SATL1: variants seen among roughly 807,000 people sequenced by gnomAD.
SATL1 encodes spermidine/spermine N(1)-acetyltransferase-like protein 1.
SATL1 carries 47 observed loss-of-function variants against 51.8 expected under a neutral mutation model. The ratio of observed to expected loss-of-function variants is 0.91; its 90% CI spans 0.72 to 1.16. The LOEUF (loss-of-function observed/expected upper bound fraction) is 1.16. SATL1 is among the 50% of genes most tolerant of loss of function. The probability of loss-of-function intolerance (pLI) is 0.00; values close to 1 mark genes in which losing one functional copy is unlikely to be tolerated. For synonymous variants in SATL1, 176 were observed against 182.4 expected (o/e 0.97, Z 0.28); for missense variants, 520 against 526.4 (o/e 0.99, Z 0.12).
At chrX:85,179,858 G>A (rs1391581077) in intron 2 of SATL1, among the ~76,000 whole-genome samples, 1 of 109,286 alleles carries the variant, frequency 9.2e-6, no homozygotes, top group Non-Finnish European at 1.9e-5. Context: ...CCAGGTCTTT[G>A]AACTAGAAGT....
chrX:85,109,425 G>T (rs979779060), intron 2 of SATL1, 145 bp from the exon 3 acceptor site: 4 of 155,960 alleles, frequency 2.6e-5, no homozygotes, highest in African/African-American at 9.2e-5. Context: ...TGTGGTGAGG[G>T]TGGGGCAAAG....
chrX:85,197,237 T>C (rs1927585102), intron 2 of SATL1, among the ~76,000 whole-genome samples: 1 of 111,721 alleles, frequency 9.0e-6, no homozygotes, highest in Admixed American at 9.5e-5. Context: ...TTTTAATTTT[T>C]CTGGGTACAT....
At chrX:85,094,589 A>C (rs1924639397) in intron 5 of SATL1, among the ~76,000 whole-genome samples, 1 of 110,628 alleles carries the variant, frequency 9.0e-6, no homozygotes, top group Non-Finnish European at 1.9e-5. Context: ...ACAAAAAATA[A>C]TTTTAAATTA....
chrX:85,184,932 A>G (rs998391306), intron 2 of SATL1, among the ~76,000 whole-genome samples: 2 of 111,698 alleles, frequency 1.8e-5, no homozygotes, highest in Non-Finnish European at 3.8e-5. Flanking sequence ...ATTTATTGCA[A>G]TATTCACAGT....
At chrX:85,095,893 C>G (rs1214725289) in intron 4 of SATL1, among the ~76,000 whole-genome samples, 1 of 99,762 alleles carries the variant, frequency 1.0e-5, no homozygotes, top group African/African-American at 3.6e-5. Context: ...GCTTTCAACT[C>G]AGGCTGATCC....
intron 2 of SATL1, among the ~76,000 whole-genome samples, chrX:85,135,712 A>G: frequency 1.1e-5 from 1 of 94,131 alleles, no homozygotes; most frequent in Middle Eastern, 4.9e-3. Flanking sequence ...GAAGTAGCTG[A>G]GACTATAGGC....
chrX:85,238,664 G>A (rs1928526387), intron 1 of SATL1, among the ~76,000 whole-genome samples: 1 of 111,333 alleles, frequency 9.0e-6, no homozygotes, highest in African/African-American at 3.3e-5. Context: ...ACAGCAGTGT[G>A]ACTACAGTCA....
intron 2 of SATL1, among the ~76,000 whole-genome samples, chrX:85,128,297 C>A (rs1368175036): frequency 8.9e-6 from 1 of 111,905 alleles, no homozygotes; most frequent in African/African-American, 3.3e-5. Context: ...TCCACATCCT[C>A]TCCAGCACCT....
At chrX:85,152,309 A>G (rs771813816) in intron 2 of SATL1, among the ~76,000 whole-genome samples, 277 of 111,322 alleles carry the variant, frequency 2.5e-3, no homozygotes, top group African/African-American at 8.1e-3. Flanking sequence ...TTAAAAAGTC[A>G]GGAAACAACA....
At chrX:85,117,089 C>G (rs1925397071) in intron 2 of SATL1, among the ~76,000 whole-genome samples, 1 of 111,586 alleles carries the variant, frequency 9.0e-6, no homozygotes, top group African/African-American at 3.3e-5. Context: ...GGCAGCCCAG[C>G]CCATGGGAAG....
At chrX:85,098,773 CACA>C (rs1755121188) in intron 4 of SATL1, among the ~76,000 whole-genome samples, 1 of 111,241 alleles carries the variant, frequency 9.0e-6, no homozygotes, top group African/African-American at 3.3e-5. Context: ...AAAATGAAAA[CACA>C]ACAAACAAAA....
intron 2 of SATL1, among the ~76,000 whole-genome samples, chrX:85,165,212 T>A (rs1165331638): frequency 9.0e-6 from 1 of 111,445 alleles, no homozygotes; most frequent in African/African-American, 3.3e-5. Flanking sequence ...TAATCCTCAA[T>A]TTCTTGGCGG....
At chrX:85,163,766 T>C (rs1926773504) in intron 2 of SATL1, among the ~76,000 whole-genome samples, 1 of 111,983 alleles carries the variant, frequency 8.9e-6, no homozygotes, top group Admixed American at 9.5e-5. Context: ...TAAATATATA[T>C]TAAGTCCATT....
intron 2 of SATL1, among the ~76,000 whole-genome samples, chrX:85,178,097 T>C (rs1403442696): frequency 2.7e-5 from 3 of 110,926 alleles, no homozygotes; most frequent in Admixed American, 1.9e-4. Context: ...TCAAAGGAGG[T>C]TTTTTGGCCA....
intron 2 of SATL1, among the ~76,000 whole-genome samples, chrX:85,130,809 C>G (rs908730762): frequency 8.9e-6 from 1 of 112,074 alleles, no homozygotes; most frequent in South Asian, 3.7e-4. Flanking sequence ...CCTCTACACA[C>G]TGCTTTAAAT....
At chrX:85,137,164 A>G (rs1335036583) in intron 2 of SATL1, among the ~76,000 whole-genome samples, 1 of 111,394 alleles carries the variant, frequency 9.0e-6, no homozygotes, top group East Asian at 2.8e-4. Context: ...TGGGAATGGA[A>G]GAGTTAAGGA....
At chrX:85,134,833 G>T (rs1325826865) in intron 2 of SATL1, among the ~76,000 whole-genome samples, 1 of 111,806 alleles carries the variant, frequency 8.9e-6, no homozygotes. Flanking sequence ...TAAAGCTGAA[G>T]AGGTAGGTGG....
At chrX:85,155,142 T>A (rs1278217099) in intron 2 of SATL1, among the ~76,000 whole-genome samples, 1 of 111,647 alleles carries the variant, frequency 9.0e-6, no homozygotes, top group Non-Finnish European at 1.9e-5. Flanking sequence ...CATGTATATA[T>A]AGGCATAAAA....
chrX:85,102,206 C>T (rs1025365205), intron 4 of SATL1, among the ~76,000 whole-genome samples: 2 of 109,182 alleles, frequency 1.8e-5, no homozygotes, highest in Admixed American at 9.9e-5. Context: ...TAGCATTAGG[C>T]ATATCTCCTA....
Sources: allele counts gnomAD v4.1 joint callset (sites outside exome capture counted in the v4.1 genomes callset), GRCh38; gene constraint gnomAD v4.1.1; transcripts MANE v1.5; gene names NCBI Gene and HGNC (gene_info 2026-07-23, HGNC 2026-07-21).